The following PLEKHD1 variants were observed in gnomAD, a reference collection of about 807,000 sequenced individuals.
PLEKHD1 encodes the protein pleckstrin homology and coiled-coil domain containing D1, also known as pleckstrin homology domain-containing family D member 1.
PLEKHD1 carries 51 observed loss-of-function variants against 69.2 expected under a neutral mutation model. The observed-to-expected ratio is 0.74, with a 90% CI of 0.59 to 0.93. The LOEUF (loss-of-function observed/expected upper bound fraction) is 0.93, where lower values mean the gene tolerates loss of function less well. PLEKHD1 is among the 40% of genes least tolerant of loss of function. The pLI is 0.00. For synonymous variants in PLEKHD1, 236 were observed against 244.7 expected (o/e 0.96, Z 0.33); for missense variants, 584 against 641.0 (o/e 0.91, Z 0.96).
chr14:69,514,653 AT>A (rs1293755963), intron 6 of PLEKHD1, among the ~76,000 whole-genome samples: 2 of 150,482 alleles, frequency 1.3e-5, no homozygotes, highest in Non-Finnish European at 3.0e-5. Flanking sequence ...AATGCCCTTT[AT>A]TTTTTCCCTG....
chr14:69,468,253 T>C, the PLEKHD1 span, among the ~76,000 whole-genome samples: 1 of 152,184 alleles, frequency 6.6e-6, no homozygotes, highest in Non-Finnish European at 1.5e-5. Context: ...AGCAATACAA[T>C]GGAATACTAT....
At chr14:69,502,425 G>T in intron 5 of PLEKHD1, 1 of 252,584 alleles carries the variant, frequency 4.0e-6, no homozygotes, top group Admixed American at 5.0e-5. Flanking sequence ...TCTCCCCTCT[G>T]CCTGCTTAGA....
chr14:69,526,912 C>T, intron 10 of PLEKHD1, 83 bp downstream of exon 10: 1 of 1,437,766 alleles, frequency 7.0e-7, no homozygotes, highest in Non-Finnish European at 9.2e-7. Flanking sequence ...CGGGTAGCTG[C>T]ATGAATTATC....
rs1201474371 is a variant in PLEKHD1, at chr14:69,526,120, G to C, written c.921G>C (p.Lys307Asn). ...QLLEEKLLAE[K>N]RMKENEERSR... The stretch of plus-strand genomic sequence containing the variant: ...TAGAGGAGAAGCTCCTGGCAGAGAA[G>C]CGGTGAGGGAGCCCCGACCCCTGAA... Residue 307 changes from lysine to asparagine, a missense_variant and splice_region_variant, in exon 9 of 13, where the codon AAG becomes AAC. By Grantham distance (94) the Lys-to-Asn change is moderately conservative. Coordinates refer to ENST00000322564, the MANE Select transcript of PLEKHD1 (RefSeq NM_001161498.2). 1 of 1,548,882 alleles carries C rather than the reference G, an allele frequency of 6.5e-7. No homozygotes were observed. Among genetic ancestry groups the C allele is most frequent in the Admixed American group, 2.0e-5 (1 of 50,296 alleles).
intron 6 of PLEKHD1, 107 bp downstream of exon 6, chr14:69,502,986 A>T: frequency 7.3e-7 from 1 of 1,377,776 alleles, no homozygotes; most frequent in Non-Finnish European, 1.0e-6. Context: ...TTGCTAGAAG[A>T]TCAGATGGGG....
At chr14:69,485,168 G>A (rs953742059) in intron 1 of PLEKHD1, 54 bp downstream of exon 1, 9 of 1,523,690 alleles carry the variant, frequency 5.9e-6, no homozygotes, top group South Asian at 2.4e-5. Context: ...CCTGGGCGTC[G>A]TTACCCCTCC....
chr14:69,511,570 G>A (rs1883273029), intron 6 of PLEKHD1, among the ~76,000 whole-genome samples: 1 of 151,232 alleles, frequency 6.6e-6, no homozygotes, highest in Non-Finnish European at 1.5e-5. Context: ...CTTTTTTTGA[G>A]ACAGAGTCTT....
chr14:69,500,867 G>A lies in PLEKHD1; in HGVS notation c.334-4G>A. Reference sequence around the variant, plus strand: ...GGCATGCGCATGGCTCCTCTTCCTGGCAGGGGAACATCTTGCTTGCTGCTG... The same window carrying A: ...GGCATGCGCATGGCTCCTCTTCCTGACAGGGGAACATCTTGCTTGCTGCTG... On this transcript the variant is annotated splice_region_variant and splice_polypyrimidine_tract_variant and intron_variant, in intron 3 of 12. Coordinates refer to ENST00000322564, the MANE Select transcript of PLEKHD1 (RefSeq NM_001161498.2). 6.4e-7 allele frequency: 1 copy of A among 1,551,636 alleles called. No individual in the cohort carries two copies. The highest frequency in any genetic ancestry group is 8.7e-7 in the Non-Finnish European group (1 of 1,147,008).
chr14:69,524,185 TG>T (rs1450047272), intron 7 of PLEKHD1, 43 bp from the exon 8 acceptor site: 3 of 1,417,042 alleles, frequency 2.1e-6, no homozygotes, highest in Admixed American at 4.0e-5. Context: ...TGGTGGGGGG[TG>T]GGGAGAGTGG....
In PLEKHD1 at chr14:69,528,508, C is replaced by T; in HGVS notation, c.*89C>T. 5 of 1,442,772 alleles carry T rather than the reference C, an allele frequency of 3.5e-6. No homozygotes were observed. The highest frequency in any genetic ancestry group is 4.6e-6 in the Non-Finnish European group (5 of 1,083,466). 89.4% of individuals were successfully genotyped at this position (1,442,772 alleles called of 1,614,324 possible). ...GAGGGAGGCCTCACTCTACCAGCTCCTGGCCTCTCTGGTCTGGAGCCTATG... is the reference window on the plus strand; with the variant it reads ...GAGGGAGGCCTCACTCTACCAGCTCTTGGCCTCTCTGGTCTGGAGCCTATG... On this transcript the variant is annotated 3_prime_UTR_variant, in exon 13 of 13. Coordinates refer to ENST00000322564, the MANE Select transcript of PLEKHD1 (RefSeq NM_001161498.2).
At chr14:69,527,739 A>C in intron 11 of PLEKHD1, 44 bp from the exon 12 acceptor site, 1 of 1,545,856 alleles carries the variant, frequency 6.5e-7, no homozygotes, top group Non-Finnish European at 8.7e-7. Flanking sequence ...GCTGGGGGTA[A>C]GGATGCAGTC....
intron 1 of PLEKHD1, among the ~76,000 whole-genome samples, chr14:69,489,434 C>T (rs900090071): frequency 2.0e-5 from 3 of 151,656 alleles, no homozygotes; most frequent in African/African-American, 7.3e-5. Context: ...TGGTGGGTGC[C>T]TGTAATCCCA....
rs1594974462 is a variant in PLEKHD1, at chr14:69,492,246, G to A, written c.149+7132G>A. 3.3e-5 allele frequency among the ~76,000 whole-genome samples: 5 copies of A among 152,194 alleles called. No individual in the cohort carries two copies. In the South Asian group the frequency reaches 8.3e-4, roughly 25 times the overall value. ...TTGCCTATGCTGTTCCCTCTGTCTG[G>A]AATGGATCTCTCCCACTTCCATTTC... On this transcript the variant is annotated intron_variant, in intron 1 of 12. Coordinates refer to ENST00000322564, the MANE Select transcript of PLEKHD1 (RefSeq NM_001161498.2).
chr14:69,510,774 G>T (rs1458361052), intron 6 of PLEKHD1, among the ~76,000 whole-genome samples: 2 of 152,082 alleles, frequency 1.3e-5, no homozygotes, highest in African/African-American at 4.8e-5. Flanking sequence ...TGTTAGTTAG[G>T]AATTCCAGTA....
intron 6 of PLEKHD1, among the ~76,000 whole-genome samples, chr14:69,504,875 A>G (rs569307225): frequency 3.5e-4 from 54 of 152,304 alleles, no homozygotes; most frequent in African/African-American, 1.3e-3. Flanking sequence ...ACACAATTCT[A>G]TACATTTCAA....
the PLEKHD1 span, among the ~76,000 whole-genome samples, chr14:69,471,633 A>C: frequency 2.0e-5 from 3 of 152,156 alleles, no homozygotes; most frequent in Admixed American, 6.5e-5. Flanking sequence ...TGGGCATCGC[A>C]GGGGCTGGCC....
At chr14:69,524,191 G>C (rs1015802394) in intron 7 of PLEKHD1, 38 bp from the exon 8 acceptor site, 35 of 1,463,968 alleles carry the variant, frequency 2.4e-5, no homozygotes, top group African/African-American at 4.2e-5. Flanking sequence ...GGGGTGGGGA[G>C]AGTGGGCACT....
intron 6 of PLEKHD1, among the ~76,000 whole-genome samples, chr14:69,505,940 C>T (rs1883142259): frequency 6.6e-6 from 1 of 152,202 alleles, no homozygotes; most frequent in African/African-American, 2.4e-5. Flanking sequence ...TACCTTTCCC[C>T]TTCTGACTGA....
At chr14:69,500,985 A>G (rs1290218453) in intron 4 of PLEKHD1, 38 bp downstream of exon 4, 1 of 1,545,200 alleles carries the variant, frequency 6.5e-7, no homozygotes, top group Admixed American at 2.0e-5. Context: ...CTGCAGATCC[A>G]GGATGGGGTG....
Sources: gnomAD v4.1 joint callset for allele counts (sites outside exome capture counted in the v4.1 genomes callset) on GRCh38, gnomAD v4.1.1 for gene constraint, MANE v1.5 for transcripts, NCBI Gene and HGNC (gene_info 2026-07-23, HGNC 2026-07-21) for gene names.